UBA6: variants seen among roughly 807,000 people sequenced by gnomAD.
UBA6 encodes ubiquitin-like modifier-activating enzyme 6.
A neutral mutation model predicts 148.3 loss-of-function variants in UBA6; 87 were observed. The ratio of observed to expected loss-of-function variants is 0.59; its 90% CI spans 0.49 to 0.70. UBA6 has a LOEUF of 0.70. Among genes scored for constraint, UBA6 ranks in the 30% least tolerant of loss-of-function variants. The pLI is 0.00. For missense variants in UBA6, 1,186 were observed against 1,241.2 expected, an observed-to-expected ratio of 0.96 and a Z score of 0.67; for synonymous variants, 376 against 401.0, an observed-to-expected ratio of 0.94 and a Z score of 0.75.
At chr4:67,677,777 T>C in intron 5 of UBA6, 55 bp from the exon 6 acceptor site, 1 of 926,176 alleles carries the variant, frequency 1.1e-6, no homozygotes, top group Non-Finnish European at 1.6e-6. Context: ...CTCAAATCTC[T>C]TCAAGTTGGA....
In UBA6 at chr4:67,625,026, T is replaced by C. The variant is rs372875405; in HGVS notation, c.2680A>G (p.Ile894Val). 6.2e-6 allele frequency: 10 copies of C among 1,611,088 alleles called. No individual in the cohort carries two copies. In the African/African-American group the frequency reaches 6.7e-5, roughly 11 times the overall value. The change falls in exon 29 of 33, where the codon ATA (isoleucine) becomes GTA (valine). Residue 894 changes from isoleucine (I) to valine (V), a missense_variant. By Grantham distance (29) the Ile-to-Val change is conservative. Transcript: ENST00000322244. ...KRIAGKIIPA[I>V]ATTTATVSGL... Reference sequence around the variant, plus strand: ...GAAACTGTAGCAGTGGTTGTTGCTATAGCAGGTATAATTTTACCAGCTATG... The same window carrying C: ...GAAACTGTAGCAGTGGTTGTTGCTACAGCAGGTATAATTTTACCAGCTATG...
At chr4:67,693,788 T>G (rs554470735) in intron 2 of UBA6, among the ~76,000 whole-genome samples, 3 of 152,260 alleles carry the variant, frequency 2.0e-5, no homozygotes, top group Non-Finnish European at 4.4e-5. Context: ...TCAAGCTTAC[T>G]GATGAAATCT....
intron 13 of UBA6, among the ~76,000 whole-genome samples, chr4:67,659,786 G>A (rs1216148028): frequency 3.9e-5 from 6 of 152,034 alleles, no homozygotes; most frequent in Non-Finnish European, 5.9e-5. Flanking sequence ...TGGAGGGCTC[G>A]TAAGAAAGGA....
chr4:67,658,516 A>G (rs1371277732), intron 13 of UBA6, among the ~76,000 whole-genome samples: 1 of 152,164 alleles, frequency 6.6e-6, no homozygotes. Context: ...ACATGGATAC[A>G]CTGAGGGGAA....
chr4:67,635,286 T>C (rs970825793), intron 20 of UBA6, among the ~76,000 whole-genome samples, 167 bp downstream of exon 20: 1 of 151,898 alleles, frequency 6.6e-6, no homozygotes, highest in African/African-American at 2.4e-5. Context: ...ATTCTGATAA[T>C]TAAAAAAAAG....
intron 7 of UBA6, 117 bp from the exon 8 acceptor site, chr4:67,670,709 A>G (rs1346887266): frequency 1.3e-6 from 1 of 759,354 alleles, no homozygotes; most frequent in African/African-American, 1.8e-5. Context: ...CACAACCTAT[A>G]GAATACAAAG....
chr4:67,641,337 G>C (rs1560483811), intron 17 of UBA6, 109 bp from the exon 18 acceptor site: 1 of 656,960 alleles, frequency 1.5e-6, no homozygotes, highest in Non-Finnish European at 2.6e-6. Context: ...AAATTAGTCT[G>C]GTTGGTAAAG....
At chr4:67,694,713 A>G (rs1396707234) in intron 2 of UBA6, among the ~76,000 whole-genome samples, 1 of 152,184 alleles carries the variant, frequency 6.6e-6, no homozygotes, top group South Asian at 2.1e-4. Flanking sequence ...TTGTATTTCT[A>G]CTAAGAAAAC....
intron 2 of UBA6, among the ~76,000 whole-genome samples, chr4:67,695,046 T>C (rs1488940967): frequency 1.3e-5 from 2 of 152,226 alleles, no homozygotes; most frequent in African/African-American, 4.8e-5. Flanking sequence ...GTTTAGTCAC[T>C]GGCCTACTGA....
chr4:67,636,881 C>T (rs1420041792), intron 19 of UBA6, among the ~76,000 whole-genome samples: 2 of 151,652 alleles, frequency 1.3e-5, no homozygotes, highest in African/African-American at 2.4e-5. Context: ...AGCCCCTCTG[C>T]CCGGCTGCCC....
rs576354681 is a variant in UBA6, at chr4:67,629,005, GA to G, written c.2400+65del. The G allele has an allele frequency of 2.3e-4, 252 of 1,101,914 alleles. No homozygotes were observed. In the African/African-American group the frequency reaches 3.6e-3, roughly 16 times the overall value. The allele number at this position is 1,101,914 out of a possible 1,614,324, so 68.3% of individuals were successfully genotyped here. A position where few individuals can be genotyped will look rare whatever the true frequency, so the allele number is the denominator to read the frequency against. ...TTCATTGTGATATTCTCCAGGTTTA[GA>G]ATGGGACTTGGTACAAGTCCAAATT... is the stretch of plus-strand genomic sequence containing the variant. On this transcript the variant is annotated intron_variant, in intron 27 of 32. Coordinates refer to ENST00000322244, the MANE Select transcript of UBA6 (RefSeq NM_018227.6).
rs978735547 is a variant in UBA6, at chr4:67,612,807, T to C, written c.*6190A>G. 1 of 152,344 alleles carries C rather than the reference T, an allele frequency of 6.6e-6. No homozygotes were observed. Among genetic ancestry groups the C allele is most frequent in the African/African-American group, 2.4e-5 (1 of 41,582 alleles). 9.4% of individuals were successfully genotyped at this position (152,344 alleles called of 1,614,324 possible). On this transcript the variant is annotated 3_prime_UTR_variant, in exon 33 of 33. Transcript: ENST00000322244. ...ACATTTAGAAAAGCTGGATAAAATA[T>C]ACTTTTCAAAGATGTAGGAAGGCAG...
chr4:67,641,610 T>C (rs532249508), intron 17 of UBA6, among the ~76,000 whole-genome samples: 1 of 152,314 alleles, frequency 6.6e-6, no homozygotes, highest in East Asian at 1.9e-4. Flanking sequence ...AGAATGCTTA[T>C]ATGTATCAAT....
At chr4:67,665,348 C>A in intron 9 of UBA6, 56 bp from the exon 10 acceptor site, 1 of 1,055,446 alleles carries the variant, frequency 9.5e-7, no homozygotes, top group South Asian at 1.5e-5. Flanking sequence ...ATTTAAATTT[C>A]AACTCTTATT....
At chr4:67,660,524 G>A (rs1729822436) in intron 13 of UBA6, among the ~76,000 whole-genome samples, 1 of 152,196 alleles carries the variant, frequency 6.6e-6, no homozygotes. Context: ...GGCTGTGGGT[G>A]CACAGAAGTC....
chr4:67,655,487 C>T (rs1729664059), intron 13 of UBA6, among the ~76,000 whole-genome samples: 1 of 152,108 alleles, frequency 6.6e-6, no homozygotes, highest in African/African-American at 2.4e-5. Context: ...TTCTTTGAAA[C>T]CAATGAGAAC....
rs767950249 is a variant in UBA6 at position 67,615,816 on chromosome 4, C to T, written c.*3181G>A. 2.1e-5 allele frequency: 5 copies of T among 240,694 alleles called. No homozygotes were observed. The highest frequency in any genetic ancestry group is 3.2e-5 in the Non-Finnish European group (4 of 126,970). The allele number at this position is 240,694 out of a possible 1,614,324, so 14.9% of individuals were successfully genotyped here. On this transcript the variant is annotated 3_prime_UTR_variant, in exon 33 of 33. Transcript: ENST00000322244. ...AAACTGTATTGTTTAAGTTTACACA[C>T]ATAGGTGGTAACACTATAAAAACAA...
intron 17 of UBA6, among the ~76,000 whole-genome samples, chr4:67,641,965 G>A (rs1177245671): frequency 6.6e-6 from 1 of 152,084 alleles, no homozygotes; most frequent in Non-Finnish European, 1.5e-5. Context: ...TTGCCTAGAT[G>A]TAGAATGTCT....
intron 1 of UBA6, among the ~76,000 whole-genome samples, chr4:67,700,442 C>T (rs977491685): frequency 1.3e-5 from 2 of 152,118 alleles, no homozygotes; most frequent in Non-Finnish European, 2.9e-5. Context: ...TATTTTCCCC[C>T]TAATTTTACA....
Sources: allele counts gnomAD v4.1 joint callset (sites outside exome capture counted in the v4.1 genomes callset), GRCh38; gene constraint gnomAD v4.1.1; transcripts MANE v1.5; gene names NCBI Gene and HGNC (gene_info 2026-07-23, HGNC 2026-07-21).